Variants in AHRR observed in about 807,000 individuals in gnomAD.
AHRR encodes the protein ahR repressor.
A neutral mutation model predicts 44.0 loss-of-function variants in AHRR; 28 were observed. That is an observed-to-expected ratio of 0.64 (90% CI 0.47 to 0.87). The LOEUF (loss-of-function observed/expected upper bound fraction) is 0.87, where lower values mean the gene tolerates loss of function less well. Ranked by LOEUF, AHRR falls within the 40% of genes least tolerant of loss-of-function variation. AHRR has a pLI of 0.00. For synonymous variants in AHRR, 434 were observed against 407.0 expected (o/e 1.07, Z -0.80); for missense variants, 990 against 953.9 (o/e 1.04, Z -0.50).
chr5:397,355 T>TCA (rs1361488334), intron 4 of AHRR, among the ~76,000 whole-genome samples: 1 of 120,856 alleles, frequency 8.3e-6, no homozygotes. Context: ...ACCATCCATG[T>TCA]TAGCCCCTGA....
At chr5:397,611 C>T (rs1734789343) in intron 4 of AHRR, among the ~76,000 whole-genome samples, 1 of 83,234 alleles carries the variant, frequency 1.2e-5, no homozygotes, top group Admixed American at 1.0e-4. Flanking sequence ...CACGTAGCTC[C>T]TGACCATCCA....
chr5:408,382 C>T lies in AHRR; in HGVS notation c.352-4962C>T, dbSNP rs1735351785. 1.4e-5 allele frequency among the ~76,000 whole-genome samples: 2 copies of T among 145,858 alleles called. 1 individual carries two copies. Among genetic ancestry groups the T allele is most frequent in the South Asian group, 4.4e-4 (2 of 4,578 alleles). On this transcript the variant is annotated intron_variant, in intron 4 of 10. Coordinates refer to ENST00000684583, the MANE Select transcript of AHRR (RefSeq NM_001377236.1). The stretch of plus-strand genomic sequence containing the variant: ...TTCAGTAATTCCTATTTTCCTGAGC[C>T]TTTTTTTTTTTCAGGAATAATTGTT...
rs201437247 is a variant in AHRR, at chr5:353,755, T to C, written c.88T>C (p.Ser30Pro). ...GAGGCCCGCCGTGGGGGCAGAGAAG[T>C]CCAACCCCTCCAAGCGACACCGGGA... ...KQRPAVGAEK[S>P]NPSKRHRDRL... The change falls in exon 3 of 11, where the codon TCC (serine) becomes CCC (proline). Residue 30 changes from serine (S) to proline (P), a missense_variant. Physicochemically the swap from Ser to Pro is moderately conservative, Grantham distance 74 (BLOSUM62 -1). Transcript: ENST00000684583. The C allele has an allele frequency of 2.2e-4, 355 of 1,612,130 alleles. No homozygotes were observed. The highest frequency in any genetic ancestry group is 2.8e-4 in the Non-Finnish European group (326 of 1,179,714).
At chr5:332,615 TG>T (rs1003415388) in intron 1 of AHRR, among the ~76,000 whole-genome samples, 3 of 152,286 alleles carry the variant, frequency 2.0e-5, no homozygotes, top group Admixed American at 6.5e-5. Context: ...GAATGTCCCA[TG>T]TGCTGATGAA....
intron 4 of AHRR, among the ~76,000 whole-genome samples, chr5:384,096 C>T (rs1240116756): frequency 6.6e-6 from 1 of 151,812 alleles, no homozygotes; most frequent in East Asian, 1.9e-4. Context: ...CTGATAGTTT[C>T]CCTTGGTAAT....
chr5:428,653 C>T (rs757086893), intron 8 of AHRR, among the ~76,000 whole-genome samples: 2 of 152,226 alleles, frequency 1.3e-5, no homozygotes, highest in Non-Finnish European at 2.9e-5. Flanking sequence ...ACTCACTATG[C>T]ATTTCATTTC....
Position 423,923 on chromosome 5 carries a change from C to G in AHRR, c.654C>G (p.Thr218=). The part of the protein sequence containing the change: ...GTPTEYSAFL[T]RCFICRVRCL... ...CCACCGAGTACTCGGCCTTCCTGACCCGCTGCTTCATCTGCCGTGTGCGCT... is the reference window on the plus strand; with the variant it reads ...CCACCGAGTACTCGGCCTTCCTGACGCGCTGCTTCATCTGCCGTGTGCGCT... The change falls in exon 7 of 11, where the codon ACC becomes ACG. Residue 218 remains threonine, a synonymous_variant. Coordinates refer to ENST00000684583, the MANE Select transcript of AHRR (RefSeq NM_001377236.1). 3.7e-6 allele frequency: 6 copies of G among 1,603,180 alleles called. No individual in the cohort carries two copies. The highest frequency in any genetic ancestry group is 5.1e-6 in the Non-Finnish European group (6 of 1,179,910).
intron 7 of AHRR, 124 bp from the exon 8 acceptor site, chr5:427,683 C>T: frequency 6.2e-7 from 1 of 1,613,550 alleles, no homozygotes; most frequent in South Asian, 1.1e-5. Flanking sequence ...TGTCCCGAGC[C>T]ACTCATGGTG....
At chr5:402,791 C>A (rs1735073346) in intron 4 of AHRR, among the ~76,000 whole-genome samples, 1 of 152,154 alleles carries the variant, frequency 6.6e-6, no homozygotes, top group African/African-American at 2.4e-5. Flanking sequence ...ATGGAGACAA[C>A]CTGCATGTCC....
intron 3 of AHRR, among the ~76,000 whole-genome samples, chr5:366,246 C>T (rs1743357153): frequency 6.6e-6 from 1 of 152,122 alleles, no homozygotes; most frequent in Admixed American, 6.5e-5. Flanking sequence ...GTACTTTGTA[C>T]TTACCTCATG....
rs549993347 is a variant in AHRR at position 423,451 on chromosome 5, G to T, written c.572-390G>T. On this transcript the variant is annotated intron_variant, in intron 6 of 10. Coordinates refer to ENST00000684583, the MANE Select transcript of AHRR (RefSeq NM_001377236.1). ...AGGCGACACCTGCCCGCGGTCCTGT[G>T]CAGAGGGTGGCTCCTGGGTTCTCTC... Among the ~76,000 whole-genome samples, 4 of 152,296 alleles carry T rather than the reference G, an allele frequency of 2.6e-5. No homozygotes were observed. In the East Asian group the frequency reaches 7.7e-4, roughly 29 times the overall value.
chr5:432,418 TTGTTCATCCGTCACATGTCACA>T, intron 8 of AHRR, 23 bp from the exon 9 acceptor site: 3 of 1,578,570 alleles, frequency 1.9e-6, no homozygotes, highest in Non-Finnish European at 2.6e-6. Context: ...ACATGTCATC[TTGTTCATCCGTCACATGTCACA>T]TGTTCATCTG....
Position 432,480 on chromosome 5 carries a change from G to A in AHRR, c.926G>A (p.Ser309Asn). ...TADAKVKATT[S>N]LCESELHGKP... ...CTTCACAGAGTAAAAGCCACCACCA[G>A]TCTGTGCGAATCGGAACTGCATGGA... The change falls in exon 9 of 11, where the codon AGT becomes AAT. Residue 309 changes from serine (S) to asparagine (N), a missense_variant. By Grantham distance (46) the Ser-to-Asn change is conservative. Transcript: ENST00000684583. The A allele has an allele frequency of 6.2e-7, 1 of 1,614,176 alleles. No individual in the cohort carries two copies. Among genetic ancestry groups the A allele is most frequent in the South Asian group, 1.1e-5 (1 of 91,086 alleles).
intron 7 of AHRR, chr5:427,546 G>A: frequency 6.7e-7 from 1 of 1,490,682 alleles, no homozygotes; most frequent in Admixed American, 1.7e-5. Flanking sequence ...ACGCGGGAAT[G>A]AACCTGTCAA....
intron 3 of AHRR, among the ~76,000 whole-genome samples, chr5:362,398 G>A (rs1743213788): frequency 6.6e-6 from 1 of 152,192 alleles, no homozygotes; most frequent in Non-Finnish European, 1.5e-5. Context: ...TCTGGGACTC[G>A]ATTTTTCTCA....
chr5:345,830 G>A (rs1742653880), intron 2 of AHRR, among the ~76,000 whole-genome samples: 6 of 152,062 alleles, frequency 3.9e-5, no homozygotes, highest in Admixed American at 2.6e-4. Flanking sequence ...GGGAGGTAAG[G>A]CCTCCCTTGG....
intron 8 of AHRR, among the ~76,000 whole-genome samples, chr5:428,506 C>T (rs990036370): frequency 1.3e-5 from 2 of 152,234 alleles, no homozygotes; most frequent in Non-Finnish European, 2.9e-5. Flanking sequence ...CCACAGCTCC[C>T]TCAGCCTTTC....
Position 434,725 on chromosome 5 carries a change from C to T in AHRR, c.1985C>T (p.Ser662Leu). 7 of 1,572,340 alleles carry T rather than the reference C, an allele frequency of 4.5e-6. No individual in the cohort carries two copies. Among genetic ancestry groups the T allele is most frequent in the East Asian group, 2.4e-5 (1 of 42,466 alleles). Residue 662 changes from serine (S) to leucine (L), a missense_variant, in exon 11 of 11, where the codon TCA becomes TTA. Physicochemically the swap from Ser to Leu is moderately radical, Grantham distance 145 (BLOSUM62 -2). Transcript: ENST00000684583. The part of the protein sequence containing the change: ...APVVKREPLD[S>L]PQWATHSQGM... ...GTGGTCAAGCGGGAGCCCTTGGACT[C>T]ACCCCAGTGGGCTACTCACAGCCAG...
At chr5:432,442 G>T in intron 8 of AHRR, 21 bp from the exon 9 acceptor site, 1 of 1,612,468 alleles carries the variant, frequency 6.2e-7, no homozygotes, top group Non-Finnish European at 8.5e-7. Flanking sequence ...CATGTCACAT[G>T]TTCATCTGTG....
Sources: gnomAD v4.1 joint callset for allele counts (sites outside exome capture counted in the v4.1 genomes callset) on GRCh38, gnomAD v4.1.1 for gene constraint, MANE v1.5 for transcripts, NCBI Gene and HGNC (gene_info 2026-07-23, HGNC 2026-07-21) for gene names.